Variants in BBOX1 observed in about 807,000 individuals in gnomAD.
The protein encoded by BBOX1 is gamma-butyrobetaine dioxygenase.
Under a neutral mutation model 41.6 loss-of-function variants are expected in BBOX1, and 35 were observed. The ratio of observed to expected loss-of-function variants is 0.84; its 90% confidence interval spans 0.64 to 1.11. BBOX1 has a LOEUF of 1.11. BBOX1 is among the 50% of genes most tolerant of loss of function. The pLI, the probability that BBOX1 is intolerant of heterozygous loss-of-function variation, is 0.00. For synonymous variants in BBOX1, 163 were observed against 154.7 expected (o/e 1.05, Z -0.40); for missense variants, 458 against 460.6 (o/e 0.99, Z 0.05).
At chr11:27,059,940 A>G (rs1857091684) in intron 4 of BBOX1, among the ~76,000 whole-genome samples, 1 of 152,216 alleles carries the variant, frequency 6.6e-6, no homozygotes, top group Admixed American at 6.5e-5. Flanking sequence ...ACCCTGTCTT[A>G]GATGAAACTT....
chr11:27,091,680 G>A (rs1322267113), intron 4 of BBOX1, among the ~76,000 whole-genome samples: 1 of 151,918 alleles, frequency 6.6e-6, no homozygotes, highest in Non-Finnish European at 1.5e-5. Flanking sequence ...TTCAGTTCTG[G>A]TTACTCCTCA....
chr11:27,121,396 G>T (rs1226117943), intron 7 of BBOX1, among the ~76,000 whole-genome samples: 5 of 152,168 alleles, frequency 3.3e-5, no homozygotes, highest in East Asian at 1.9e-4. Context: ...TCAAAGGAAA[G>T]ACTTTGATAT....
At chr11:27,053,918 C>T (rs965984811) in intron 2 of BBOX1, among the ~76,000 whole-genome samples, 1 of 152,012 alleles carries the variant, frequency 6.6e-6, no homozygotes. Flanking sequence ...TATTGGATAA[C>T]TCTATATGTG....
chr11:27,120,031 T>A (rs1191994609), intron 7 of BBOX1, among the ~76,000 whole-genome samples, 186 bp downstream of exon 7: 1 of 152,108 alleles, frequency 6.6e-6, no homozygotes, highest in Non-Finnish European at 1.5e-5. Context: ...ATAAAATTTA[T>A]CCCTAATCAG....
At chr11:27,049,743 T>C (rs2133949818) in intron 2 of BBOX1, among the ~76,000 whole-genome samples, 1 of 152,246 alleles carries the variant, frequency 6.6e-6, no homozygotes, top group East Asian at 1.9e-4. Context: ...TTGATTAAAA[T>C]AAGTAAAAAC....
intron 4 of BBOX1, among the ~76,000 whole-genome samples, chr11:27,086,735 T>C (rs185128921): frequency 6.2e-4 from 95 of 152,250 alleles, no homozygotes; most frequent in Admixed American, 2.0e-3. Context: ...ACAGATAGTG[T>C]TTCCTCTGAT....
chr11:27,062,345 C>G (rs1211272560), intron 4 of BBOX1, among the ~76,000 whole-genome samples: 2 of 152,176 alleles, frequency 1.3e-5, no homozygotes, highest in Non-Finnish European at 2.9e-5. Flanking sequence ...GTTTTCCCAA[C>G]AAGGGCTCAG....
At chr11:27,076,658 A>G (rs1442156057) in intron 4 of BBOX1, among the ~76,000 whole-genome samples, 1 of 152,138 alleles carries the variant, frequency 6.6e-6, no homozygotes, top group African/African-American at 2.4e-5. Flanking sequence ...CATTGTGTTA[A>G]GTTACCAGAG....
intron 5 of BBOX1, among the ~76,000 whole-genome samples, chr11:27,102,720 C>A (rs573372384): frequency 6.6e-6 from 1 of 152,046 alleles, no homozygotes; most frequent in Non-Finnish European, 1.5e-5. Flanking sequence ...TCCATTCTCT[C>A]GTAAATTCCT....
chr11:27,102,624 C>T (rs1858703024), intron 5 of BBOX1, among the ~76,000 whole-genome samples: 1 of 151,858 alleles, frequency 6.6e-6, no homozygotes. Flanking sequence ...TTTTTTCCTC[C>T]CCTACAATTT....
intron 3 of BBOX1, among the ~76,000 whole-genome samples, chr11:27,056,577 C>A (rs1564955185): frequency 1.3e-5 from 2 of 151,774 alleles, no homozygotes; most frequent in African/African-American, 4.8e-5. Context: ...ATTTCTAATA[C>A]TCTTGGCAGG....
rs1055682577 is a variant in BBOX1, at chr11:27,067,702, A to G, written c.334+10387A>G. On this transcript the variant is annotated intron_variant, in intron 4 of 8. Coordinates refer to ENST00000263182, the MANE Select transcript of BBOX1 (RefSeq NM_003986.3). ...CTTGAACCCAGGAAGTGGAAGTTGC[A>G]CTGAGCCGAGATCGCGCCACTGCAC... Among the ~76,000 whole-genome samples the G allele has an allele frequency of 9.5e-4, 144 of 151,978 alleles. 3 individuals are homozygous for G. Among genetic ancestry groups the G allele is most frequent in the South Asian group, 6.2e-4 (3 of 4,808 alleles).
intron 5 of BBOX1, among the ~76,000 whole-genome samples, chr11:27,098,579 C>T (rs1469014473): frequency 6.6e-6 from 1 of 152,182 alleles, no homozygotes; most frequent in Non-Finnish European, 1.5e-5. Context: ...TGTAGCAATG[C>T]ATGGCTTTAT....
chr11:27,124,148 G>A (rs1859561653), intron 7 of BBOX1, among the ~76,000 whole-genome samples: 1 of 152,102 alleles, frequency 6.6e-6, no homozygotes, highest in East Asian at 1.9e-4. Flanking sequence ...ATGTAACCCA[G>A]ACCCCAAACC....
At position 27,127,671 on chromosome 11, in the gene BBOX1, C is replaced by T; in HGVS notation, c.*218C>T. The T allele has an allele frequency of 2.0e-6, 1 of 509,944 alleles. No homozygotes were observed. 31.6% of individuals were successfully genotyped at this position (509,944 alleles called of 1,614,324 possible). On this transcript the variant is annotated 3_prime_UTR_variant, in exon 9 of 9. Transcript: ENST00000263182. Reference sequence around the variant, plus strand: ...TTGCAAATAAAGCATCCTTTCTGCTCTGTTGCATGCCTGCTCTAATTTCTT... The same window carrying T: ...TTGCAAATAAAGCATCCTTTCTGCTTTGTTGCATGCCTGCTCTAATTTCTT...
chr11:27,065,413 G>A (rs1452224629), intron 4 of BBOX1, among the ~76,000 whole-genome samples: 1 of 151,950 alleles, frequency 6.6e-6, no homozygotes, highest in Non-Finnish European at 1.5e-5. Flanking sequence ...CTCATTTTCT[G>A]CACTGCACTT....
chr11:27,110,002 T>C (rs1171593596), intron 5 of BBOX1, among the ~76,000 whole-genome samples: 2 of 152,042 alleles, frequency 1.3e-5, no homozygotes, highest in African/African-American at 4.8e-5. Context: ...TAAATTTTTA[T>C]ATAGTGAATC....
chr11:27,084,644 C>G (rs1159256587), intron 4 of BBOX1, among the ~76,000 whole-genome samples: 1 of 152,130 alleles, frequency 6.6e-6, no homozygotes, highest in African/African-American at 2.4e-5. Context: ...GAGCCAACAG[C>G]TCAGTTCAGT....
intron 6 of BBOX1, among the ~76,000 whole-genome samples, chr11:27,116,281 T>C (rs946294597): frequency 7.3e-5 from 11 of 150,392 alleles, no homozygotes; most frequent in Non-Finnish European, 1.3e-4. Flanking sequence ...TGAGAACACA[T>C]GGACACAGAG....
Sources: allele counts gnomAD v4.1 joint callset (sites outside exome capture counted in the v4.1 genomes callset), GRCh38; gene constraint gnomAD v4.1.1; transcripts MANE v1.5; gene names NCBI Gene and HGNC (gene_info 2026-07-23, HGNC 2026-07-21).